The following NPAS3 variants were observed in gnomAD, a reference collection of about 807,000 sequenced individuals.
NPAS3 encodes the protein neuronal PAS domain-containing protein 3.
NPAS3 carries 14 observed loss-of-function variants against 73.1 expected under a neutral mutation model. That is an observed-to-expected ratio of 0.19 (90% CI 0.13 to 0.30). The LOEUF (loss-of-function observed/expected upper bound fraction) is 0.30. Ranked by LOEUF, NPAS3 falls within the 10% of genes least tolerant of loss-of-function variation. The pLI is 1.00. For missense variants in NPAS3, 1,096 were observed against 1,250.0 expected, an observed-to-expected ratio of 0.88 and a Z score of 1.86; for synonymous variants, 620 against 541.5, an observed-to-expected ratio of 1.14 and a Z score of -2.01.
At chr14:33,427,075 CTT>C (rs762168156) in intron 4 of NPAS3, among the ~76,000 whole-genome samples, 11 of 152,002 alleles carry the variant, frequency 7.2e-5, no homozygotes, top group Non-Finnish European at 1.5e-4. Context: ...AGAACACTGA[CTT>C]TTATCCAGCT....
intron 5 of NPAS3, among the ~76,000 whole-genome samples, chr14:33,577,889 G>A (rs909973310): frequency 6.6e-6 from 1 of 152,146 alleles, no homozygotes; most frequent in Non-Finnish European, 1.5e-5. Context: ...GCACTGACCT[G>A]TATAAGGGGG....
At chr14:33,057,277 A>G (rs1358206903) in intron 2 of NPAS3, among the ~76,000 whole-genome samples, 14 of 152,204 alleles carry the variant, frequency 9.2e-5, no homozygotes, top group Admixed American at 2.6e-4. Flanking sequence ...CCGAACTGGT[A>G]TAATTATAAT....
At position 33,300,229 on chromosome 14, in the gene NPAS3, A is replaced by G. The variant is rs778856291; in HGVS notation, c.386-66957A>G. On this transcript the variant is annotated intron_variant, in intron 3 of 11. Coordinates refer to ENST00000356141, the Ensembl canonical transcript of NPAS3. ...ATTTATGCAAGTCTTGTTTCCAAAT[A>G]CATTTAAGAAAGAATTAAAAATCAT... Among the ~76,000 whole-genome samples, 101 of 152,360 alleles carry G rather than the reference A, an allele frequency of 6.6e-4. No individual in the cohort carries two copies. The Middle Eastern group carries it at 0.014, about 21-fold the overall frequency.
At chr14:33,625,254 C>G (rs1056177092) in intron 5 of NPAS3, among the ~76,000 whole-genome samples, 1 of 152,230 alleles carries the variant, frequency 6.6e-6, no homozygotes, top group Non-Finnish European at 1.5e-5. Context: ...CCTAAGCCAT[C>G]CCAAACATCC....
At chr14:33,486,801 A>T (rs1415709778) in intron 4 of NPAS3, among the ~76,000 whole-genome samples, 2 of 152,176 alleles carry the variant, frequency 1.3e-5, no homozygotes, top group African/African-American at 4.8e-5. Flanking sequence ...CCTAACCTTT[A>T]AACTATTAGT....
intron 5 of NPAS3, among the ~76,000 whole-genome samples, chr14:33,605,678 G>T (rs1351953498): frequency 6.6e-6 from 1 of 152,126 alleles, no homozygotes; most frequent in Non-Finnish European, 1.5e-5. Context: ...GACAAAATAT[G>T]TGAAAGACAT....
intron 3 of NPAS3, among the ~76,000 whole-genome samples, chr14:33,360,596 G>C (rs973605591): frequency 6.6e-6 from 1 of 152,084 alleles, no homozygotes; most frequent in South Asian, 2.1e-4. Context: ...GGAAAGCCTT[G>C]GATGTTTTTT....
At chr14:33,569,023 A>G (rs1344155097) in intron 5 of NPAS3, among the ~76,000 whole-genome samples, 3 of 152,128 alleles carry the variant, frequency 2.0e-5, no homozygotes, top group Admixed American at 1.3e-4. Flanking sequence ...ATGCCTATAT[A>G]TGTTTATAAA....
intron 2 of NPAS3, among the ~76,000 whole-genome samples, chr14:33,114,024 A>G (rs1220469186): frequency 3.3e-5 from 5 of 151,918 alleles, no homozygotes; most frequent in African/African-American, 1.2e-4. Context: ...AGCCCACTTG[A>G]TCATGTTGGA....
chr14:33,732,233 G>GCA (rs143767826), intron 6 of NPAS3, among the ~76,000 whole-genome samples: 51 of 151,498 alleles, frequency 3.4e-4, no homozygotes, highest in East Asian at 2.3e-3. Flanking sequence ...GCATGTGCAC[G>GCA]CACACACACA....
chr14:33,067,736 A>G (rs904330481), intron 2 of NPAS3, among the ~76,000 whole-genome samples: 1 of 152,204 alleles, frequency 6.6e-6, no homozygotes, highest in Non-Finnish European at 1.5e-5. Flanking sequence ...CCCACAGATT[A>G]AGACCTCTTT....
chr14:33,426,433 A>T (rs2048557587), intron 4 of NPAS3, among the ~76,000 whole-genome samples: 1 of 152,030 alleles, frequency 6.6e-6, no homozygotes, highest in African/African-American at 2.4e-5. Context: ...AGATGAGATC[A>T]TGGACCTCCC....
In NPAS3 at chr14:33,198,283, C is replaced by T. The variant is rs115522207; in HGVS notation, c.141-16899C>T. ...GTTTGCCCCTGCTGGCTCAGGCAGCCTGCTTTTAATTCCCTTATCTGGCCC... is the reference window on the plus strand; with the variant it reads ...GTTTGCCCCTGCTGGCTCAGGCAGCTTGCTTTTAATTCCCTTATCTGGCCC... On this transcript the variant is annotated intron_variant, in intron 2 of 11. Transcript: ENST00000356141. 5.8e-3 allele frequency among the ~76,000 whole-genome samples: 830 copies of T among 143,750 alleles called. 4 individuals carry two copies. Among genetic ancestry groups the T allele is most frequent in the African/African-American group, 0.019 (777 of 40,590 alleles). 94.3% of individuals were successfully genotyped at this position (143,750 alleles called of 152,430 possible).
At chr14:33,419,636 A>G (rs2048294761) in intron 4 of NPAS3, among the ~76,000 whole-genome samples, 1 of 151,978 alleles carries the variant, frequency 6.6e-6, no homozygotes, top group African/African-American at 2.4e-5. Flanking sequence ...CTTTTCAGAT[A>G]GGAAAATAAG....
chr14:33,577,981 T>C (rs757576405), intron 5 of NPAS3, among the ~76,000 whole-genome samples: 1 of 152,214 alleles, frequency 6.6e-6, no homozygotes, highest in Non-Finnish European at 1.5e-5. Context: ...TCTGATGCAG[T>C]GTCTCTCGGC....
At chr14:33,545,804 G>A (rs2054815990) in intron 4 of NPAS3, among the ~76,000 whole-genome samples, 1 of 152,224 alleles carries the variant, frequency 6.6e-6, no homozygotes, top group African/African-American at 2.4e-5. Context: ...ACTAGAGGGT[G>A]CGGTCAAGAG....
At chr14:33,373,309 A>G (rs2046173407) in intron 4 of NPAS3, among the ~76,000 whole-genome samples, 1 of 152,142 alleles carries the variant, frequency 6.6e-6, no homozygotes, top group African/African-American at 2.4e-5. Flanking sequence ...CACAGGTGTT[A>G]AACAAGTTAA....
chr14:33,194,508 T>C (rs2046281525), intron 2 of NPAS3, among the ~76,000 whole-genome samples: 1 of 152,206 alleles, frequency 6.6e-6, no homozygotes, highest in Non-Finnish European at 1.5e-5. Flanking sequence ...AAAAATTCTC[T>C]ACGTATTTCA....
chr14:33,235,105 T>C (rs1028369034), intron 3 of NPAS3, among the ~76,000 whole-genome samples: 44 of 152,120 alleles, frequency 2.9e-4, no homozygotes, highest in African/African-American at 1.1e-3. Context: ...ATAATAAATT[T>C]AGTGTTATCC....
Sources: gnomAD v4.1 joint callset for allele counts (sites outside exome capture counted in the v4.1 genomes callset) on GRCh38, gnomAD v4.1.1 for gene constraint, MANE v1.5 for transcripts, NCBI Gene and HGNC (gene_info 2026-07-23, HGNC 2026-07-21) for gene names.